The following XYLT1 variants were observed in gnomAD, a reference collection of about 807,000 sequenced individuals.
XYLT1 encodes the protein xylosyltransferase 1.
XYLT1 carries 36 observed loss-of-function variants against 91.3 expected under a neutral mutation model. The observed-to-expected ratio is 0.39, with a 90% CI of 0.30 to 0.52. The LOEUF is 0.52. XYLT1 is among the 20% of genes least tolerant of loss of function. The probability of loss-of-function intolerance (pLI) is 0.68; values close to 1 mark genes in which losing one functional copy is unlikely to be tolerated. For missense variants in XYLT1, 1,242 were observed against 1,284.5 expected, an observed-to-expected ratio of 0.97 and a Z score of 0.51; for synonymous variants, 588 against 532.0, an observed-to-expected ratio of 1.11 and a Z score of -1.45.
chr16:17,428,713 C>T (rs1453390575), intron 1 of XYLT1, among the ~76,000 whole-genome samples: 2 of 152,188 alleles, frequency 1.3e-5, no homozygotes, highest in African/African-American at 4.8e-5. Context: ...GGGAAGCTTT[C>T]GGCCGTGTGG....
chr16:17,136,116 C>T (rs576670862), intron 8 of XYLT1, among the ~76,000 whole-genome samples: 69 of 152,158 alleles, frequency 4.5e-4, no homozygotes, highest in Admixed American at 3.3e-3. Flanking sequence ...ACACACAATA[C>T]GCAGGGCAAT....
At chr16:17,365,236 A>G (rs557902859) in intron 1 of XYLT1, among the ~76,000 whole-genome samples, 2 of 151,898 alleles carry the variant, frequency 1.3e-5, no homozygotes, top group African/African-American at 4.8e-5. Flanking sequence ...GGGAAGTGGG[A>G]CTCTTTTTCA....
At position 17,198,155 on chromosome 16, in the gene XYLT1, T is replaced by C. The variant is rs1384180019; in HGVS notation, c.1289+57A>G. 1.1e-5 allele frequency: 17 copies of C among 1,593,390 alleles called. No homozygotes were observed. In the East Asian group the frequency reaches 3.1e-4, roughly 29 times the overall value. On this transcript the variant is annotated intron_variant, in intron 5 of 11. Coordinates refer to ENST00000261381, the MANE Select transcript of XYLT1 (RefSeq NM_022166.4). ...CTTCTGCCTCGTGAGTTCCCAGCCA[T>C]GACCAGCCAGAGCAGGACGTCAGAC...
At chr16:17,427,343 G>T (rs1262894839) in intron 1 of XYLT1, among the ~76,000 whole-genome samples, 3 of 152,244 alleles carry the variant, frequency 2.0e-5, no homozygotes, top group African/African-American at 7.2e-5. Context: ...CTGCCACCTA[G>T]GCTGGTGTGC....
In XYLT1 at chr16:17,153,287, C is replaced by G. The variant is rs78608127; in HGVS notation, c.1370+5542G>C. Among the ~76,000 whole-genome samples the G allele has an allele frequency of 5.3e-3, 807 of 152,294 alleles. 9 individuals carry two copies. Among genetic ancestry groups the G allele is most frequent in the African/African-American group, 0.018 (751 of 41,560 alleles). On this transcript the variant is annotated intron_variant, in intron 6 of 11. Coordinates refer to ENST00000261381, the MANE Select transcript of XYLT1 (RefSeq NM_022166.4). ...ATACACAGGTAACTCACGTAACTTACCCAAGGTCACACACTGTGAGTGGGT... is the reference window on the plus strand; with the variant it reads ...ATACACAGGTAACTCACGTAACTTAGCCAAGGTCACACACTGTGAGTGGGT...
rs1047399551 is a variant in XYLT1, at chr16:17,102,232, C to T, written c.*6463G>A. 1.3e-5 allele frequency: 2 copies of T among 152,540 alleles called. No individual in the cohort carries two copies. The highest frequency in any genetic ancestry group is 2.1e-4 in the South Asian group (1 of 4,828). The allele number at this position is 152,540 out of a possible 1,614,324, so 9.4% of individuals were successfully genotyped here. ...CAGTTTGGATGATAAATTATATAGT[C>T]ATCCTATCTTCACCATGCAGATGAC... On this transcript the variant is annotated 3_prime_UTR_variant, in exon 12 of 12. Transcript: ENST00000261381.
At chr16:17,142,313 C>G (rs552417090) in intron 6 of XYLT1, among the ~76,000 whole-genome samples, 1 of 151,060 alleles carries the variant, frequency 6.6e-6, no homozygotes, top group East Asian at 2.0e-4. Flanking sequence ...GTGTGAGCTA[C>G]TGCATGGGGC....
intron 1 of XYLT1, among the ~76,000 whole-genome samples, chr16:17,370,974 T>C (rs960824587): frequency 2.6e-5 from 4 of 152,282 alleles, no homozygotes; most frequent in South Asian, 4.1e-4. Context: ...GCTGTGGGCA[T>C]TGGTGTTTGT....
chr16:17,149,480 C>T (rs968582800), intron 6 of XYLT1, among the ~76,000 whole-genome samples: 5 of 152,156 alleles, frequency 3.3e-5, no homozygotes, highest in African/African-American at 1.2e-4. Context: ...GTTTTCCTGT[C>T]TGGTAATCTG....
intron 1 of XYLT1, among the ~76,000 whole-genome samples, chr16:17,368,903 AT>A (rs201209944): frequency 0.01 from 1,527 of 152,116 alleles, 25 homozygotes; most frequent in African/African-American, 0.034. Flanking sequence ...TCTTGATGAC[AT>A]TAAGTATTTC....
intron 2 of XYLT1, among the ~76,000 whole-genome samples, chr16:17,285,874 CTG>C (rs56267931): frequency 0.023 from 3,339 of 145,192 alleles, 70 homozygotes; most frequent in African/African-American, 0.05. Context: ...TGGTGTATCT[CTG>C]TGTGTGTGTG....
intron 3 of XYLT1, chr16:17,227,658 ATG>A (rs2033090781): frequency 6.6e-6 from 1 of 152,244 alleles, no homozygotes; most frequent in African/African-American, 2.4e-5. Flanking sequence ...CAGGGGAGTG[ATG>A]TGAGGAGAAG....
At chr16:17,419,109 C>T (rs777336577) in intron 1 of XYLT1, among the ~76,000 whole-genome samples, 14 of 152,086 alleles carry the variant, frequency 9.2e-5, no homozygotes, top group Non-Finnish European at 1.8e-4. Flanking sequence ...AGTTAATCCA[C>T]GGACCTCTTT....
At chr16:17,261,183 C>A (rs866981903) in intron 2 of XYLT1, among the ~76,000 whole-genome samples, 1 of 143,062 alleles carries the variant, frequency 7.0e-6, no homozygotes, top group Non-Finnish European at 1.5e-5. Context: ...GCGGAGGTTG[C>A]AGTGAGCTGA....
rs570697880 is a variant in XYLT1, at chr16:17,191,992, C to T, written c.1289+6220G>A. On this transcript the variant is annotated intron_variant, in intron 5 of 11. Coordinates refer to ENST00000261381, the MANE Select transcript of XYLT1 (RefSeq NM_022166.4). ...GACTGAATGTGAACCCCGGGAGGGGCCAAGGACACACTCAACCCTCCTCTC... is the reference window on the plus strand; with the variant it reads ...GACTGAATGTGAACCCCGGGAGGGGTCAAGGACACACTCAACCCTCCTCTC... Among the ~76,000 whole-genome samples the T allele has an allele frequency of 1.3e-5, 2 of 152,164 alleles. 1 individual carries two copies. Among genetic ancestry groups the T allele is most frequent in the South Asian group, 4.2e-4 (2 of 4,806 alleles).
Position 17,259,124 on chromosome 16 carries a change from G to T in XYLT1, c.777C>A (p.Ile259=), listed in dbSNP as rs550951484. The T allele has an allele frequency of 1.9e-6, 3 of 1,579,496 alleles. No individual in the cohort carries two copies. The highest frequency in any genetic ancestry group is 2.6e-6 in the Non-Finnish European group (3 of 1,163,460). Residue 259 remains isoleucine (I), a synonymous_variant, in exon 3 of 12, where the codon ATC becomes ATA. Coordinates refer to ENST00000261381, the MANE Select transcript of XYLT1 (RefSeq NM_022166.4). ...TKYDQPPKCD[I]SGKEAISALS... ...GGGCAGAGATGGCCTCCTTGCCTGA[G>T]ATGTCACACTTAGGGGGCTGGTCAT...
chr16:17,224,513 G>C (rs1218162858), intron 3 of XYLT1, among the ~76,000 whole-genome samples: 1 of 152,176 alleles, frequency 6.6e-6, no homozygotes, highest in East Asian at 1.9e-4. Context: ...AGCAGATGCA[G>C]GGAAGCTATC....
At chr16:17,283,465 T>C (rs1369261810) in intron 2 of XYLT1, among the ~76,000 whole-genome samples, 1 of 152,162 alleles carries the variant, frequency 6.6e-6, no homozygotes, top group Non-Finnish European at 1.5e-5. Context: ...CACACACGCA[T>C]GTGCACACAT....
At chr16:17,323,511 TCA>T (rs1567374448) in intron 2 of XYLT1, among the ~76,000 whole-genome samples, 1 of 152,194 alleles carries the variant, frequency 6.6e-6, no homozygotes, top group Non-Finnish European at 1.5e-5. Flanking sequence ...CTATCCAATT[TCA>T]CTTAAAAGGG....
Sources: gnomAD v4.1 joint callset for allele counts (sites outside exome capture counted in the v4.1 genomes callset) on GRCh38, gnomAD v4.1.1 for gene constraint, MANE v1.5 for transcripts, NCBI Gene and HGNC (gene_info 2026-07-23, HGNC 2026-07-21) for gene names.